Variants in TSPAN14 observed in about 807,000 individuals in gnomAD.
TSPAN14 encodes the protein tetraspanin 14.
Under a neutral mutation model 36.6 loss-of-function variants are expected in TSPAN14, and 16 were observed. That is an observed-to-expected ratio of 0.44 (90% CI 0.30 to 0.66). TSPAN14 has a LOEUF of 0.66. Among genes scored for constraint, TSPAN14 ranks in the 30% least tolerant of loss-of-function variants. The probability of loss-of-function intolerance (pLI) is 0.12; values close to 1 mark genes in which losing one functional copy is unlikely to be tolerated. For missense variants in TSPAN14, 231 were observed against 355.1 expected, an observed-to-expected ratio of 0.65 and a Z score of 2.81; for synonymous variants, 139 against 143.8, an observed-to-expected ratio of 0.97 and a Z score of 0.24.
At chr10:80,483,222 G>A (rs912998717) in intron 1 of TSPAN14, among the ~76,000 whole-genome samples, 1 of 152,094 alleles carries the variant, frequency 6.6e-6, no homozygotes, top group South Asian at 2.1e-4. Flanking sequence ...TTCCCAGCAG[G>A]GGCACCTCCA....
At chr10:80,461,552 G>A (rs1845969430) in intron 1 of TSPAN14, among the ~76,000 whole-genome samples, 1 of 152,168 alleles carries the variant, frequency 6.6e-6, no homozygotes, top group African/African-American at 2.4e-5. Flanking sequence ...GGGCTCTGGG[G>A]TGCTAAGTGT....
At chr10:80,465,526 C>T (rs1331187342) in intron 1 of TSPAN14, among the ~76,000 whole-genome samples, 2 of 152,240 alleles carry the variant, frequency 1.3e-5, no homozygotes, top group Admixed American at 6.5e-5. Flanking sequence ...CCCCTGGCTG[C>T]ACCCCTAATT....
intron 2 of TSPAN14, among the ~76,000 whole-genome samples, chr10:80,493,680 T>C (rs1848041294): frequency 6.6e-6 from 1 of 152,234 alleles, no homozygotes; most frequent in East Asian, 1.9e-4. Context: ...TCCACTTATA[T>C]GAGGTGCCCA....
At chr10:80,514,221 C>CACTGA (rs1456973980) in intron 7 of TSPAN14, among the ~76,000 whole-genome samples, 158 bp downstream of exon 7, 1 of 152,340 alleles carries the variant, frequency 6.6e-6, no homozygotes, top group African/African-American at 2.4e-5. Context: ...GGGTCACATA[C>CACTGA]ACTGCTTCCT....
chr10:80,472,420 A>T (rs937708542), intron 1 of TSPAN14, among the ~76,000 whole-genome samples: 1 of 152,164 alleles, frequency 6.6e-6, no homozygotes, highest in Non-Finnish European at 1.5e-5. Context: ...ATTGACAATG[A>T]TCGCTTGCTT....
At chr10:80,496,167 A>G (rs992486799) in intron 2 of TSPAN14, among the ~76,000 whole-genome samples, 1 of 152,198 alleles carries the variant, frequency 6.6e-6, no homozygotes, top group Non-Finnish European at 1.5e-5. Flanking sequence ...GTACATTCAC[A>G]TTCACCTTGA....
At chr10:80,518,583 T>C (rs1841082637) in exon 9 of TSPAN14, 1 of 154,938 alleles carries the variant, frequency 6.5e-6, no homozygotes, top group African/African-American at 2.4e-5. Flanking sequence ...CCTGAGCCAG[T>C]GCGTGGACTG....
chr10:80,481,684 G>GGC (rs1440308812), intron 1 of TSPAN14, among the ~76,000 whole-genome samples: 1 of 152,196 alleles, frequency 6.6e-6, no homozygotes, highest in African/African-American at 2.4e-5. Context: ...AATACAAAAT[G>GGC]GCGCGATCTC....
chr10:80,494,908 A>G (rs1848112480), intron 2 of TSPAN14, among the ~76,000 whole-genome samples: 1 of 152,162 alleles, frequency 6.6e-6, no homozygotes, highest in Non-Finnish European at 1.5e-5. Flanking sequence ...GGTTTACTGC[A>G]TTTCCTCTTC....
At chr10:80,500,486 C>A (rs997358274) in intron 2 of TSPAN14, among the ~76,000 whole-genome samples, 1 of 151,802 alleles carries the variant, frequency 6.6e-6, no homozygotes, top group Non-Finnish European at 1.5e-5. Context: ...TGTGCCACCA[C>A]GCTCGGCTAA....
rs566916625 is a variant in TSPAN14, at chr10:80,509,840, G to A, written c.450+369G>A. ...CCGTAAGGCACAGCTTCTTCCCCCC[G>A]GCTCATGACTCACCATCTGACGCTA... On this transcript the variant is annotated intron_variant, in intron 5 of 8. Transcript: ENST00000429989. This position sits in a 1 kb window ranked among gnomAD's most constrained non-coding sequence, Gnocchi z 4.7. The A allele has an allele frequency of 3.1e-5, 6 of 194,868 alleles. No homozygotes were observed. The South Asian group carries it at 4.0e-4, about 13-fold the overall frequency. 12.1% of individuals were successfully genotyped at this position (194,868 alleles called of 1,614,324 possible).
At chr10:80,465,253 C>T (rs1276782673) in intron 1 of TSPAN14, among the ~76,000 whole-genome samples, 2 of 152,164 alleles carry the variant, frequency 1.3e-5, no homozygotes, top group African/African-American at 2.4e-5. Flanking sequence ...GTCTCCCAGG[C>T]CCCCCACTTG....
At chr10:80,457,469 G>A (rs993518929) in intron 1 of TSPAN14, among the ~76,000 whole-genome samples, 1 of 152,186 alleles carries the variant, frequency 6.6e-6, no homozygotes, top group South Asian at 2.1e-4. Context: ...GATTACAGGC[G>A]TGAGCCACTG....
rs949349956 is a variant in TSPAN14, at chr10:80,485,590, A to G, written c.-17-3627A>G. On this transcript the variant is annotated intron_variant, in intron 1 of 8. Coordinates refer to ENST00000429989, the Ensembl canonical transcript of TSPAN14. Reference sequence around the variant, plus strand: ...AGGCTGGAGTCCTAATGAGTCTCCCATTTACCTTCTTCAGCTTAAACTATG... The same window carrying G: ...AGGCTGGAGTCCTAATGAGTCTCCCGTTTACCTTCTTCAGCTTAAACTATG... 3.1e-6 allele frequency: 3 copies of G among 982,446 alleles called. No individual in the cohort carries two copies. In the African/African-American group the frequency reaches 5.3e-5, roughly 17 times the overall value. 60.9% of individuals were successfully genotyped at this position (982,446 alleles called of 1,614,324 possible).
intron 1 of TSPAN14, among the ~76,000 whole-genome samples, chr10:80,460,483 A>C (rs150690215): frequency 1.1e-3 from 166 of 152,312 alleles, no homozygotes; most frequent in African/African-American, 3.8e-3. Context: ...GGTGAGGGAC[A>C]GAATCTCTGT....
At chr10:80,466,765 G>A (rs1167183341) in intron 1 of TSPAN14, among the ~76,000 whole-genome samples, 1 of 152,172 alleles carries the variant, frequency 6.6e-6, no homozygotes, top group Non-Finnish European at 1.5e-5. Context: ...CAAGAGGTGT[G>A]GGGAAAGGGT....
At chr10:80,464,784 G>T (rs1156838363) in intron 1 of TSPAN14, among the ~76,000 whole-genome samples, 1 of 152,166 alleles carries the variant, frequency 6.6e-6, no homozygotes, top group Non-Finnish European at 1.5e-5. Flanking sequence ...CTGAGGAGGC[G>T]GGACCTGGGG....
At chr10:80,458,942 G>C (rs1845852089) in intron 1 of TSPAN14, among the ~76,000 whole-genome samples, 1 of 151,352 alleles carries the variant, frequency 6.6e-6, no homozygotes, top group African/African-American at 2.4e-5. Context: ...CTACTTTCTA[G>C]TTGAGTGACC....
chr10:80,516,824 CATGAGACATCCTCTG>C (rs1284783779), intron 8 of TSPAN14, among the ~76,000 whole-genome samples: 2 of 152,236 alleles, frequency 1.3e-5, no homozygotes, highest in Admixed American at 1.3e-4. Flanking sequence ...CTTCCCTGTC[CATGAGACATCCTCTG>C]AGGCCTGCTG....
Sources: allele counts gnomAD v4.1 joint callset (sites outside exome capture counted in the v4.1 genomes callset), GRCh38; gene constraint gnomAD v4.1.1; non-coding constraint Gnocchi (gnomAD v3.1); transcripts MANE v1.5; gene names NCBI Gene and HGNC (gene_info 2026-07-23, HGNC 2026-07-21).